CDKL3: variants seen among roughly 807,000 people sequenced by gnomAD.
CDKL3 encodes the protein cyclin dependent kinase like 3.
In CDKL3, 65 loss-of-function variants were observed where a neutral mutation model predicts 69.3. The ratio of observed to expected loss-of-function variants is 0.94; its 90% CI spans 0.77 to 1.15. The LOEUF is 1.15. Among genes scored for constraint, CDKL3 ranks in the 50% most tolerant of loss-of-function variants. CDKL3 has a pLI of 0.00. For synonymous variants in CDKL3, 202 were observed against 221.6 expected (o/e 0.91, Z 0.79); for missense variants, 652 against 689.2 (o/e 0.95, Z 0.61).
intron 9 of CDKL3, 51 bp from the exon 10 acceptor site, chr5:134,306,753 T>A: frequency 9.7e-6 from 7 of 719,420 alleles, no homozygotes; most frequent in Non-Finnish European, 9.8e-6. Context: ...AGAAATGCTT[T>A]TTTTTTTTTT....
chr5:134,309,022 T>G (rs1241465044), intron 7 of CDKL3, among the ~76,000 whole-genome samples: 5 of 152,240 alleles, frequency 3.3e-5, no homozygotes, highest in Non-Finnish European at 7.3e-5. Flanking sequence ...AAATATTGCT[T>G]TTAATTTTGA....
chr5:134,319,507 GA>G lies in CDKL3; in HGVS notation c.653-11del. The G allele has an allele frequency of 2.0e-6, 3 of 1,511,656 alleles. No individual in the cohort carries two copies. The highest frequency in any genetic ancestry group is 2.5e-5 in the Admixed American group (1 of 39,746). The allele number at this position is 1,511,656 out of a possible 1,614,324, so 93.6% of individuals were successfully genotyped here. ...TGAGGTGACAAATTGCCTGAAAAGA[GA>G]AAAAAATGTATATTTAAAAAACAGA... On this transcript the variant is annotated splice_polypyrimidine_tract_variant and intron_variant, in intron 5 of 12. Coordinates refer to ENST00000265334, the MANE Select transcript of CDKL3 (RefSeq NM_001113575.2).
chr5:134,302,623 T>A lies in CDKL3; in HGVS notation c.1686A>T (p.Leu562Phe), dbSNP rs371004809. The change falls in exon 12 of 13, where the codon TTA becomes TTT. Residue 562 changes from leucine (L) to phenylalanine (F), a missense_variant. Coordinates refer to ENST00000265334, the MANE Select transcript of CDKL3 (RefSeq NM_001113575.2). The stretch of plus-strand genomic sequence containing the variant: ...TTTCTTGATTTTGATCCACGTTAAG[T>A]AAAGTTGGTATCTTAGATGACTCTG... ...KKTESSKIPT[L>F]LNVDQNQEKQ... 6.8e-5 allele frequency: 109 copies of A among 1,600,972 alleles called. No homozygotes were observed. Among genetic ancestry groups the A allele is most frequent in the Non-Finnish European group, 8.9e-5 (104 of 1,172,472 alleles).
intron 3 of CDKL3, among the ~76,000 whole-genome samples, chr5:134,355,223 ACT>A (rs1228989293): frequency 1.4e-5 from 2 of 144,584 alleles, no homozygotes; most frequent in African/African-American, 2.6e-5. Context: ...ACGGAGCAAG[ACT>A]CTGTCTCAGG....
At chr5:134,368,594 G>A (rs1757962060), upstream of CDKL3, among the ~76,000 whole-genome samples, 1 of 138,036 alleles carries the variant, frequency 7.2e-6, no homozygotes, top group South Asian at 2.3e-4. Context: ...ATTCCAGCCT[G>A]GGTGGCAGAG....
intron 2 of CDKL3, among the ~76,000 whole-genome samples, chr5:134,365,905 T>C (rs889772081): frequency 6.6e-5 from 10 of 152,190 alleles, no homozygotes; most frequent in African/African-American, 2.4e-4. Flanking sequence ...CAAATTCATG[T>C]CCCATTTCCT....
At chr5:134,343,164 C>A (rs1750953378) in intron 4 of CDKL3, among the ~76,000 whole-genome samples, 1 of 150,512 alleles carries the variant, frequency 6.6e-6, no homozygotes, top group African/African-American at 2.5e-5. Context: ...AAGATCATGC[C>A]ACTGCACTCC....
chr5:134,299,542 A>T, intron 12 of CDKL3: 2 of 1,200,868 alleles, frequency 1.7e-6, no homozygotes, highest in South Asian at 2.6e-5. Context: ...ATTTAAAAAC[A>T]AATTTAGGTG....
chr5:134,307,983 T>C (rs1768338893), intron 9 of CDKL3, 155 bp downstream of exon 9: 3 of 1,193,076 alleles, frequency 2.5e-6, no homozygotes, highest in South Asian at 2.2e-5. Flanking sequence ...ACAGCATCCA[T>C]AAGAAACACT....
chr5:134,310,991 C>G (rs936859566), intron 7 of CDKL3, among the ~76,000 whole-genome samples: 1 of 152,326 alleles, frequency 6.6e-6, no homozygotes, highest in East Asian at 1.9e-4. Context: ...CGTCCAAAGA[C>G]AAGCTGAATG....
intron 3 of CDKL3, 40 bp from the exon 4 acceptor site, chr5:134,350,467 T>C: frequency 7.5e-7 from 1 of 1,338,922 alleles, no homozygotes; most frequent in Non-Finnish European, 1.0e-6. Flanking sequence ...TAAAATGAGA[T>C]TTCATTATCC....
chr5:134,371,384 C>G (rs763428763), upstream of CDKL3: 5 of 682,016 alleles, frequency 7.3e-6, no homozygotes, highest in African/African-American at 1.8e-5. Flanking sequence ...GCCCCCTCCT[C>G]CCCCAGCACT....
At chr5:134,284,640 C>A (rs1320758710), downstream of CDKL3, among the ~76,000 whole-genome samples, 1 of 152,172 alleles carries the variant, frequency 6.6e-6, no homozygotes, top group African/African-American at 2.4e-5. Context: ...CGTATTTCAT[C>A]CCTTATCTTC....
At chr5:134,315,130 G>C (rs1770655496) in intron 6 of CDKL3, among the ~76,000 whole-genome samples, 1 of 151,692 alleles carries the variant, frequency 6.6e-6, no homozygotes, top group Non-Finnish European at 1.5e-5. Flanking sequence ...AAAAATCAAT[G>C]GAACAGAAAC....
intron 11 of CDKL3, among the ~76,000 whole-genome samples, chr5:134,303,361 G>A (rs1766838809): frequency 6.6e-6 from 1 of 152,108 alleles, no homozygotes; most frequent in Admixed American, 6.5e-5. Flanking sequence ...ACAGGTGTGA[G>A]CCACTGTGCC....
chr5:134,308,064 A>G (rs1250602972), intron 9 of CDKL3, 74 bp downstream of exon 9: 2 of 1,490,240 alleles, frequency 1.3e-6, no homozygotes, highest in African/African-American at 1.4e-5. Context: ...TACAGACACT[A>G]TGAACACGAT....
chr5:134,319,401 T>C lies in CDKL3; in HGVS notation c.749A>G (p.Lys250Arg). Residue 250 changes from lysine (K) to arginine (R), a missense_variant, in exon 6 of 13, where the codon AAA (lysine) becomes AGA (arginine). Coordinates refer to ENST00000265334, the MANE Select transcript of CDKL3 (RefSeq NM_001113575.2). ...CAATCCATTAAGCTTTGGATATTTT[T>C]TTCTTGCATTTTTGGGGTGTTGAAC... ...PQVQHPKNARKKYPKLNGLLA... is the reference protein window; with the variant it reads ...PQVQHPKNARRKYPKLNGLLA... 6.5e-7 allele frequency: 1 copy of C among 1,538,338 alleles called. No individual in the cohort carries two copies.
chr5:134,325,131 G>A (rs1057269285), intron 4 of CDKL3, among the ~76,000 whole-genome samples: 2 of 152,180 alleles, frequency 1.3e-5, no homozygotes, highest in African/African-American at 4.8e-5. Context: ...TGAGCCATGA[G>A]TATGCCACTG....
intron 10 of CDKL3, 72 bp downstream of exon 10, chr5:134,306,536 TA>T: frequency 1.1e-6 from 1 of 907,004 alleles, no homozygotes; most frequent in Non-Finnish European, 1.8e-6. Context: ...ATTAGAGCCC[TA>T]AAGATAGAGA....
Sources: gnomAD v4.1 joint callset for allele counts (sites outside exome capture counted in the v4.1 genomes callset) on GRCh38, gnomAD v4.1.1 for gene constraint, MANE v1.5 for transcripts, NCBI Gene and HGNC (gene_info 2026-07-23, HGNC 2026-07-21) for gene names.